SBK1: variants seen among roughly 807,000 people sequenced by gnomAD.
SBK1 encodes SH3 domain binding kinase 1.
A neutral mutation model predicts 24.4 loss-of-function variants in SBK1; 11 were observed. The observed-to-expected ratio is 0.45, with a 90% CI of 0.28 to 0.75. The LOEUF (loss-of-function observed/expected upper bound fraction) is 0.75, where lower values mean the gene tolerates loss of function less well. SBK1 is among the 30% of genes least tolerant of loss of function. The probability of loss-of-function intolerance (pLI) is 0.12; values close to 1 mark genes in which losing one functional copy is unlikely to be tolerated. For missense variants in SBK1, 467 were observed against 620.5 expected (o/e 0.75, Z 2.63); for synonymous variants, 308 against 284.4 (o/e 1.08, Z -0.83).
At chr16:28,315,063 C>T (rs1339841631) in intron 1 of SBK1, among the ~76,000 whole-genome samples, 1 of 152,136 alleles carries the variant, frequency 6.6e-6, no homozygotes, top group Non-Finnish European at 1.5e-5. Context: ...GGGCTGGAGG[C>T]TGGTGGCAGC....
chr16:28,314,396 A>G (rs546452697), intron 1 of SBK1, among the ~76,000 whole-genome samples: 3 of 149,330 alleles, frequency 2.0e-5, no homozygotes, highest in East Asian at 3.9e-4. Flanking sequence ...GCCTCAAGCA[A>G]TCCTCTCACC....
intron 1 of SBK1, among the ~76,000 whole-genome samples, chr16:28,306,184 A>G (rs1040213450): frequency 1.8e-4 from 28 of 151,916 alleles, no homozygotes; most frequent in Non-Finnish European, 2.9e-4. Context: ...GGACCCTCTC[A>G]CCCTGGGCTG....
Position 28,293,212 on chromosome 16 carries a change from G to T in SBK1, c.-96G>T. On this transcript the variant is annotated 5_prime_UTR_variant, in exon 1 of 4. Coordinates refer to ENST00000341901, the MANE Select transcript of SBK1 (RefSeq NM_001024401.3). ...ACCGCTTGCACCCCGGTCCATGGTC[G>T]TGGCGCCCTGAGCCCCCGGGGCCGG... The T allele has an allele frequency of 1.0e-6, 1 of 985,432 alleles. No individual in the cohort carries two copies. Among genetic ancestry groups the T allele is most frequent in the Non-Finnish European group, 1.2e-6 (1 of 829,932 alleles). 61.0% of individuals were successfully genotyped at this position (985,432 alleles called of 1,614,324 possible).
At chr16:28,288,471 A>T (rs2044579826), upstream of SBK1, among the ~76,000 whole-genome samples, 1 of 152,194 alleles carries the variant, frequency 6.6e-6, no homozygotes, top group South Asian at 2.1e-4. Context: ...GAAGAGGGAG[A>T]TTAGTGGAAC....
chr16:28,274,227 A>G (rs955522001), intron 1 of SBK1, among the ~76,000 whole-genome samples: 1 of 152,228 alleles, frequency 6.6e-6, no homozygotes, highest in African/African-American at 2.4e-5. Context: ...GTTAGCAACT[A>G]TGTATCAATC....
intron 1 of SBK1, among the ~76,000 whole-genome samples, chr16:28,280,197 A>G (rs1260763081): frequency 1.5e-5 from 2 of 129,130 alleles, no homozygotes; most frequent in African/African-American, 2.7e-5. Flanking sequence ...ATATATGTAC[A>G]TATATGTATA....
Position 28,320,906 on chromosome 16 carries a change from C to G in SBK1, c.1260C>G (p.Ile420Met). Residue 420 changes from isoleucine to methionine, a missense_variant, in exon 4 of 4, where the codon ATC becomes ATG. By Grantham distance (10) the Ile-to-Met change is conservative (BLOSUM62 1). Around this residue, in one of 4 missense-constraint regions of SBK1, gnomAD observed 166 missense variants for 146.8 expected, o/e 1.13. Transcript: ENST00000341901. The surrounding 1 kb of genome is among the most constrained non-coding windows in gnomAD (Gnocchi z 8.5). The part of the protein sequence containing the change: ...SKGQVVLATA[I>M]EICV ...GGCAGGTGGTGCTGGCCACGGCCAT[C>G]GAGATCTGCGTCTGAGTCGCCTCCG... 1 of 1,488,178 alleles carries G rather than the reference C, an allele frequency of 6.7e-7. No individual in the cohort carries two copies. Among genetic ancestry groups the G allele is most frequent in the Non-Finnish European group, 8.9e-7 (1 of 1,124,022 alleles). The allele number at this position is 1,488,178 out of a possible 1,614,324, so 92.2% of individuals were successfully genotyped here.
Position 28,317,707 on chromosome 16 carries a change from CGGGGCTCTCT to C in SBK1, c.226+93_226+102del, listed in dbSNP as rs905188923. 4.5e-6 allele frequency: 4 copies of C among 898,760 alleles called. No individual in the cohort carries two copies. The African/African-American group carries it at 6.6e-5, about 15-fold the overall frequency. The allele number at this position is 898,760 out of a possible 1,614,324, so 55.7% of individuals were successfully genotyped here. A position where few individuals can be genotyped will look rare whatever the true frequency, so the allele number is the denominator to read the frequency against. On this transcript the variant is annotated intron_variant, in intron 2 of 3. Transcript: ENST00000341901. This position sits in a 1 kb window ranked among gnomAD's most constrained non-coding sequence, Gnocchi z 4.2. ...GGGGGACATGACCTTGCAGCTGGGC[CGGGGCTCTCT>C]GGTGCTCTGTGGAAGCCAGGAGGCA...
upstream of SBK1, chr16:28,292,448 G>C (rs1033608443): frequency 2.1e-4 from 166 of 787,206 alleles, no homozygotes; most frequent in African/African-American, 3.8e-4. Flanking sequence ...ACAAAGGGGC[G>C]GGCGGCGGCG....
At chr16:28,296,107 T>TC (rs1449112953) in intron 1 of SBK1, among the ~76,000 whole-genome samples, 1 of 149,254 alleles carries the variant, frequency 6.7e-6, no homozygotes, top group East Asian at 1.9e-4. Flanking sequence ...TTTTTTTTTT[T>TC]TTTTTTAGAC....
chr16:28,282,957 G>A (rs991942098), intron 1 of SBK1, among the ~76,000 whole-genome samples: 4 of 151,896 alleles, frequency 2.6e-5, no homozygotes, highest in South Asian at 2.1e-4. Context: ...GTTTAGAGAC[G>A]GAGTCTCGCT....
upstream of SBK1, among the ~76,000 whole-genome samples, chr16:28,292,366 CGGCGCGCGGCGGGAGGGCG>C (rs1331304009): frequency 9.3e-5 from 12 of 129,198 alleles, no homozygotes; most frequent in East Asian, 8.1e-4. Flanking sequence ...CTGCGCTCCG[CGGCGCGCGGCGGGAGGGCG>C]GGCGCGCGGC....
intron 1 of SBK1, 106 bp downstream of exon 1, chr16:28,293,406 C>A (rs2044616307): frequency 1.9e-6 from 1 of 513,698 alleles, no homozygotes; most frequent in Non-Finnish European, 2.5e-6. Context: ...CCTTCCCCAG[C>A]GTCGCCATGG....
At chr16:28,269,648 A>G (rs1216418765) in intron 1 of SBK1, among the ~76,000 whole-genome samples, 1 of 151,536 alleles carries the variant, frequency 6.6e-6, no homozygotes, top group Non-Finnish European at 1.5e-5. Flanking sequence ...CAGCAGGATC[A>G]GTTGAGGTCA....
chr16:28,277,843 T>A (rs2044503599), intron 1 of SBK1, among the ~76,000 whole-genome samples: 1 of 152,132 alleles, frequency 6.6e-6, no homozygotes, highest in Non-Finnish European at 1.5e-5. Flanking sequence ...CCTCAGATCG[T>A]CCTGCACTAC....
rs541787630 is a variant in SBK1 at position 28,321,304 on chromosome 16, C to T, written c.*383C>T. 6.0e-4 allele frequency: 96 copies of T among 160,268 alleles called. No homozygotes were observed. Among genetic ancestry groups the T allele is most frequent in the African/African-American group, 2.1e-3 (86 of 41,714 alleles). The allele number at this position is 160,268 out of a possible 1,614,324, so 9.9% of individuals were successfully genotyped here. On this transcript the variant is annotated 3_prime_UTR_variant, in exon 4 of 4. Coordinates refer to ENST00000341901, the MANE Select transcript of SBK1 (RefSeq NM_001024401.3). ...CTCCCTGAGCCCTGGAACCCGGACT[C>T]GTTGCTCCTGGCCTTCCATACCCCC...
intron 1 of SBK1, chr16:28,284,873 T>G (rs1029723370): frequency 6.6e-6 from 1 of 152,240 alleles, no homozygotes; most frequent in Non-Finnish European, 1.5e-5. Context: ...GTGAAAGAAT[T>G]TACACAAAAC....
At chr16:28,276,010 GC>G (rs1361676262) in intron 1 of SBK1, among the ~76,000 whole-genome samples, 1 of 152,212 alleles carries the variant, frequency 6.6e-6, no homozygotes, top group African/African-American at 2.4e-5. Context: ...GGTCCCTGTA[GC>G]CCCTCAGGGG....
intron 1 of SBK1, among the ~76,000 whole-genome samples, chr16:28,271,011 CCG>C (rs1321518591): frequency 6.6e-6 from 1 of 151,770 alleles, no homozygotes; most frequent in Non-Finnish European, 1.5e-5. Context: ...CTACAGGCGC[CCG>C]CCACCACGCC....
Sources: gnomAD v4.1 joint callset for allele counts (sites outside exome capture counted in the v4.1 genomes callset) on GRCh38, gnomAD v4.1.1 for gene constraint, gnomAD v4.1.1 regional missense constraint, Gnocchi (gnomAD v3.1) non-coding constraint, MANE v1.5 for transcripts, NCBI Gene and HGNC (gene_info 2026-07-23, HGNC 2026-07-21) for gene names.